Variants in HEMK2 observed in about 807,000 individuals in gnomAD.
The protein encoded by HEMK2 is methyltransferase HEMK2.
chr21:28,744,095 G>C, the HEMK2 span, among the ~76,000 whole-genome samples: 1 of 151,696 alleles, frequency 6.6e-6, no homozygotes, highest in Non-Finnish European at 1.5e-5. Context: ...GAGGGTGGGG[G>C]CTGGGAAGAG....
chr21:28,854,864 C>G, the HEMK2 span, among the ~76,000 whole-genome samples: 1 of 152,154 alleles, frequency 6.6e-6, no homozygotes, highest in Non-Finnish European at 1.5e-5. Flanking sequence ...CACAGACACA[C>G]CCAGAAATAA....
chr21:28,649,881 T>A, the HEMK2 span, among the ~76,000 whole-genome samples: 75 of 152,148 alleles, frequency 4.9e-4, no homozygotes, highest in Non-Finnish European at 9.0e-4. Context: ...TTACTTTTTT[T>A]AAAATAACAA....
At chr21:28,851,931 C>T in the HEMK2 span, among the ~76,000 whole-genome samples, 1 of 152,172 alleles carries the variant, frequency 6.6e-6, no homozygotes, top group African/African-American at 2.4e-5. Context: ...TGGTACATAC[C>T]AGGTACCAGG....
the HEMK2 span, among the ~76,000 whole-genome samples, chr21:28,588,793 C>T: frequency 1.4e-4 from 22 of 152,050 alleles, no homozygotes; most frequent in Non-Finnish European, 2.6e-4. Flanking sequence ...ACCATCCTGG[C>T]TAACACGCTG....
chr21:28,800,501 T>C, the HEMK2 span, among the ~76,000 whole-genome samples: 9 of 152,164 alleles, frequency 5.9e-5, no homozygotes, highest in Non-Finnish European at 1.0e-4. Flanking sequence ...TGTAAATGCA[T>C]GTACATATAT....
At chr21:28,728,993 AG>A in the HEMK2 span, among the ~76,000 whole-genome samples, 1 of 152,244 alleles carries the variant, frequency 6.6e-6, no homozygotes, top group Non-Finnish European at 1.5e-5. Context: ...AAACATGGCC[AG>A]GAACACTGAA....
the HEMK2 span, among the ~76,000 whole-genome samples, chr21:28,751,017 T>C: frequency 6.6e-6 from 1 of 151,864 alleles, no homozygotes; most frequent in African/African-American, 2.4e-5. Flanking sequence ...GATCACAAGG[T>C]CCAGGAAATC....
chr21:28,827,540 C>A, the HEMK2 span, among the ~76,000 whole-genome samples: 5 of 152,144 alleles, frequency 3.3e-5, no homozygotes, highest in African/African-American at 1.2e-4. Flanking sequence ...CTCAGCCCTG[C>A]GTAACAAGCA....
the HEMK2 span, among the ~76,000 whole-genome samples, chr21:28,800,770 T>C: frequency 2.6e-5 from 4 of 152,228 alleles, 1 homozygote. Flanking sequence ...CCTGGATTAA[T>C]ACTCTTTTAG....
At chr21:28,653,382 C>A in the HEMK2 span, among the ~76,000 whole-genome samples, 2 of 152,240 alleles carry the variant, frequency 1.3e-5, no homozygotes, top group East Asian at 3.9e-4. Flanking sequence ...CATGACCACC[C>A]ACTCTCTCCT....
At chr21:28,781,386 G>C in the HEMK2 span, among the ~76,000 whole-genome samples, 2 of 152,066 alleles carry the variant, frequency 1.3e-5, no homozygotes, top group Non-Finnish European at 2.9e-5. Context: ...GGGCAAATGA[G>C]ACATATAGCT....
At chr21:28,676,311 C>T in the HEMK2 span, among the ~76,000 whole-genome samples, 4 of 152,214 alleles carry the variant, frequency 2.6e-5, no homozygotes, top group Non-Finnish European at 4.4e-5. Flanking sequence ...TGTGTGTCTA[C>T]GTTCTAATCT....
the HEMK2 span, among the ~76,000 whole-genome samples, chr21:28,728,538 T>C: frequency 6.6e-6 from 1 of 152,160 alleles, no homozygotes; most frequent in Non-Finnish European, 1.5e-5. Context: ...CTTGTTTTCT[T>C]CTAAACTCAT....
the HEMK2 span, among the ~76,000 whole-genome samples, chr21:28,709,940 T>C: frequency 6.6e-5 from 10 of 152,206 alleles, no homozygotes; most frequent in African/African-American, 2.2e-4. Flanking sequence ...AATTTTGGTT[T>C]CAGTGCTGTG....
At chr21:28,795,514 T>C in the HEMK2 span, among the ~76,000 whole-genome samples, 6 of 152,344 alleles carry the variant, frequency 3.9e-5, 1 homozygote, top group South Asian at 1.2e-3. Flanking sequence ...TCTCTTTATC[T>C]GCAATACCTA....
At chr21:28,710,536 C>T in the HEMK2 span, among the ~76,000 whole-genome samples, 4 of 152,172 alleles carry the variant, frequency 2.6e-5, no homozygotes, top group Admixed American at 1.3e-4. Flanking sequence ...CACCTAAATA[C>T]TTTATAACTC....
the HEMK2 span, among the ~76,000 whole-genome samples, chr21:28,864,913 T>TGATATAGATAGATAG: frequency 1.4e-5 from 2 of 144,206 alleles, no homozygotes; most frequent in African/African-American, 2.7e-5. Context: ...AGATAGATGA[T>TGATATAGATAGATAG]ATAGATAGAT....
the HEMK2 span, among the ~76,000 whole-genome samples, chr21:28,831,574 AGAAAGAAG>A: frequency 2.4e-3 from 97 of 40,862 alleles, 3 homozygotes; most frequent in Admixed American, 3.6e-3. Context: ...AAGGAAAGAA[AGAAAGAAG>A]GAAAGAAGGA....
chr21:28,603,286 C>T, the HEMK2 span, among the ~76,000 whole-genome samples: 1 of 152,170 alleles, frequency 6.6e-6, no homozygotes, highest in African/African-American at 2.4e-5. Flanking sequence ...TTCTGGAGAA[C>T]CCAATCTAGG....
Sources: allele counts gnomAD v4.1 joint callset (sites outside exome capture counted in the v4.1 genomes callset), GRCh38; gene constraint gnomAD v4.1.1; transcripts MANE v1.5; gene names NCBI Gene and HGNC (gene_info 2026-07-23, HGNC 2026-07-21).